The following SH3RF3 variants were observed in gnomAD, a reference collection of about 807,000 sequenced individuals.
SH3RF3 encodes SH3 domain containing ring finger 3.
Under a neutral mutation model 66.3 loss-of-function variants are expected in SH3RF3, and 29 were observed. The ratio of observed to expected loss-of-function variants is 0.44; its 90% CI spans 0.33 to 0.60. The LOEUF (loss-of-function observed/expected upper bound fraction) is 0.60, where lower values mean the gene tolerates loss of function less well. SH3RF3 is among the 20% of genes least tolerant of loss of function. The pLI, the probability that SH3RF3 is intolerant of heterozygous loss-of-function variation, is 0.04. For missense variants in SH3RF3, 1,194 were observed against 1,190.9 expected (o/e 1.00, Z -0.04); for synonymous variants, 583 against 532.0 (o/e 1.10, Z -1.32).
At chr2:109,355,002 T>C (rs776704779) in intron 2 of SH3RF3, among the ~76,000 whole-genome samples, 1 of 152,222 alleles carries the variant, frequency 6.6e-6, no homozygotes, top group Non-Finnish European at 1.5e-5. Flanking sequence ...AAAGGTGATA[T>C]AGTTTTTAGT....
chr2:109,160,424 A>G (rs1000590108), intron 1 of SH3RF3, among the ~76,000 whole-genome samples: 3 of 152,372 alleles, frequency 2.0e-5, no homozygotes, highest in Middle Eastern at 3.4e-3. Context: ...GCAGGTAGCC[A>G]TGCAGCCTTG....
At chr2:109,332,624 G>C (rs1682313874) in intron 1 of SH3RF3, among the ~76,000 whole-genome samples, 1 of 152,178 alleles carries the variant, frequency 6.6e-6, no homozygotes, top group Non-Finnish European at 1.5e-5. Context: ...GGAAGCCAGG[G>C]CTGCCCCGTG....
chr2:109,464,103 G>A (rs991252355), intron 8 of SH3RF3, among the ~76,000 whole-genome samples: 3 of 152,168 alleles, frequency 2.0e-5, no homozygotes, highest in Admixed American at 6.5e-5. Flanking sequence ...CCGGGCTGCA[G>A]CATTTTTACA....
chr2:109,449,205 A>C lies in SH3RF3; in HGVS notation c.1864A>C (p.Thr622Pro). 2 of 1,613,596 alleles carry C rather than the reference A, an allele frequency of 1.2e-6. No homozygotes were observed. The highest frequency in any genetic ancestry group is 1.7e-6 in the Non-Finnish European group (2 of 1,179,802). The change falls in exon 8 of 10, where the codon ACT (threonine) becomes CCT (proline). Residue 622 changes from threonine (T) to proline (P), a missense_variant. Transcript: ENST00000309415. ...TGCAGCCCAGGCTCAGGACCGGCCA[A>C]CTGCCACCGTGTCACCCCTGCGCAC... ...HSAAQAQDRP[T>P]ATVSPLRTQN...
chr2:109,478,638 C>T (rs867989882), intron 8 of SH3RF3, among the ~76,000 whole-genome samples: 3 of 152,136 alleles, frequency 2.0e-5, no homozygotes, highest in African/African-American at 4.8e-5. Flanking sequence ...TGTTGGAATG[C>T]GCTTTCATTT....
intron 1 of SH3RF3, among the ~76,000 whole-genome samples, chr2:109,291,896 G>A (rs184648790): frequency 1.8e-3 from 268 of 152,284 alleles, no homozygotes; most frequent in African/African-American, 6.3e-3. Context: ...ATGGAGTCTC[G>A]CTCTGTTGCC....
At chr2:109,290,325 C>A (rs1681134444) in intron 1 of SH3RF3, among the ~76,000 whole-genome samples, 1 of 152,218 alleles carries the variant, frequency 6.6e-6, no homozygotes, top group African/African-American at 2.4e-5. Context: ...GCACGTAATA[C>A]ATACTTATTA....
chr2:109,425,086 TTGAG>T (rs1676992357), intron 5 of SH3RF3, among the ~76,000 whole-genome samples: 1 of 152,198 alleles, frequency 6.6e-6, no homozygotes, highest in South Asian at 2.1e-4. Flanking sequence ...CGGAGAATGT[TTGAG>T]TGGCCTGGAT....
intron 9 of SH3RF3, among the ~76,000 whole-genome samples, chr2:109,493,841 C>A (rs1679190739): frequency 1.3e-5 from 2 of 152,108 alleles, no homozygotes; most frequent in Non-Finnish European, 2.9e-5. Flanking sequence ...CATCAAGCAA[C>A]CACATAATAC....
At chr2:109,243,056 A>G (rs1369189958) in intron 1 of SH3RF3, among the ~76,000 whole-genome samples, 4 of 152,248 alleles carry the variant, frequency 2.6e-5, no homozygotes, top group African/African-American at 4.8e-5. Flanking sequence ...TGTGAGAACA[A>G]TGAAATCGGC....
At chr2:109,414,117 G>A (rs960382376) in intron 4 of SH3RF3, among the ~76,000 whole-genome samples, 1 of 152,252 alleles carries the variant, frequency 6.6e-6, no homozygotes, top group South Asian at 2.1e-4. Flanking sequence ...CCTCCTTCAG[G>A]GCCCTCTTCT....
intron 4 of SH3RF3, among the ~76,000 whole-genome samples, chr2:109,418,351 G>A (rs1424632838): frequency 6.6e-6 from 1 of 152,144 alleles, no homozygotes; most frequent in African/African-American, 2.4e-5. Flanking sequence ...GTGGCTAAAA[G>A]CAACAGAAAG....
chr2:109,282,853 G>T (rs1214786146), intron 1 of SH3RF3, among the ~76,000 whole-genome samples: 1 of 152,182 alleles, frequency 6.6e-6, no homozygotes, highest in African/African-American at 2.4e-5. Context: ...TGGTCCTCCT[G>T]TGAGGAGAGG....
chr2:109,344,474 G>T (rs367696652), intron 1 of SH3RF3, among the ~76,000 whole-genome samples: 1 of 152,226 alleles, frequency 6.6e-6, no homozygotes. Flanking sequence ...GCTGAGGCCA[G>T]CGTAGGGGAC....
chr2:109,130,196 T>G (rs969202063), intron 1 of SH3RF3, 83 bp downstream of exon 1: 1 of 1,195,226 alleles, frequency 8.4e-7, no homozygotes, highest in Non-Finnish European at 1.0e-6. Context: ...AGTGATGAGG[T>G]GCGGAGGAGA....
chr2:109,198,723 G>T (rs1678566526), intron 1 of SH3RF3, among the ~76,000 whole-genome samples: 1 of 152,108 alleles, frequency 6.6e-6, no homozygotes, highest in Non-Finnish European at 1.5e-5. Context: ...ATTCGTGAAG[G>T]TTCCACCCTC....
chr2:109,227,356 C>T (rs1234028596), intron 1 of SH3RF3, among the ~76,000 whole-genome samples: 2 of 152,194 alleles, frequency 1.3e-5, no homozygotes, highest in South Asian at 4.1e-4. Context: ...CTTCTCAAGT[C>T]CTGGTTCTCA....
intron 1 of SH3RF3, among the ~76,000 whole-genome samples, chr2:109,190,913 T>C (rs1362187183): frequency 6.6e-6 from 1 of 151,760 alleles, no homozygotes; most frequent in Admixed American, 6.6e-5. Flanking sequence ...AGTATTGTGA[T>C]ACTTTGCCTA....
chr2:109,403,375 A>C (rs986213397), intron 4 of SH3RF3, among the ~76,000 whole-genome samples: 2 of 152,000 alleles, frequency 1.3e-5, no homozygotes, highest in Admixed American at 6.5e-5. Flanking sequence ...GGCCCACCTC[A>C]CCCCACAGTG....
Sources: allele counts gnomAD v4.1 joint callset (sites outside exome capture counted in the v4.1 genomes callset), GRCh38; gene constraint gnomAD v4.1.1; transcripts MANE v1.5; gene names NCBI Gene and HGNC (gene_info 2026-07-23, HGNC 2026-07-21).